The following UBAP2 variants were observed in gnomAD, a reference collection of about 807,000 sequenced individuals.
UBAP2 encodes ubiquitin associated protein 2.
In UBAP2, 75 loss-of-function variants were observed where a neutral mutation model predicts 139.6. The ratio of observed to expected loss-of-function variants is 0.54; its 90% CI spans 0.45 to 0.65. UBAP2 has a LOEUF of 0.65. Among genes scored for constraint, UBAP2 ranks in the 30% least tolerant of loss-of-function variants. The pLI, the probability that UBAP2 is intolerant of heterozygous loss-of-function variation, is 0.00. For synonymous variants in UBAP2, 526 were observed against 526.2 expected (o/e 1.00, Z 0.01); for missense variants, 1,368 against 1,369.6 (o/e 1.00, Z 0.02).
In UBAP2 at chr9:33,933,571, G is replaced by A. The variant is rs757094326; in HGVS notation, c.2027C>T (p.Thr676Ile). The A allele has an allele frequency of 7.4e-6, 12 of 1,613,938 alleles. No individual in the cohort carries two copies. Among genetic ancestry groups the A allele is most frequent in the Admixed American group, 3.3e-5 (2 of 60,002 alleles). The stretch of plus-strand genomic sequence containing the variant: ...CGGCAGAAGTGCAGTGCAGGAGGTG[G>A]TGCTGGGCAGGGAGCTCACAGACGG... ...ALPSVSSLPS[T>I]TSCTALLPST... The change falls in exon 18 of 29, where the codon ACC becomes ATC. Residue 676 changes from threonine (T) to isoleucine (I), a missense_variant. Coordinates refer to ENST00000379238, the MANE Select transcript of UBAP2 (RefSeq NM_001370062.2).
chr9:34,036,982 A>ATTTTT (rs141751803), intron 1 of UBAP2, among the ~76,000 whole-genome samples: 2 of 57,434 alleles, frequency 3.5e-5, no homozygotes, highest in African/African-American at 7.6e-5. Flanking sequence ...ACACCCAGCT[A>ATTTTT]TTTTTTTTTT....
chr9:34,010,682 G>A (rs1440330033), intron 2 of UBAP2, among the ~76,000 whole-genome samples: 1 of 152,100 alleles, frequency 6.6e-6, no homozygotes, highest in Admixed American at 6.6e-5. Flanking sequence ...AAGCATTGTG[G>A]GGAGGGATTT....
At chr9:34,008,337 G>T (rs915056341) in intron 2 of UBAP2, among the ~76,000 whole-genome samples, 1 of 141,832 alleles carries the variant, frequency 7.1e-6, no homozygotes, top group African/African-American at 2.7e-5. Flanking sequence ...AAAAAAAAAA[G>T]TGGGACACAG....
rs751153073 is a variant in UBAP2, at chr9:33,927,788, A to G, written c.2371+9T>C. ...AGGGGTGGGCAGGAAAGGCCTCTGG[A>G]GCAAATACCTGAGGTCACCAAGGGC... is the stretch of plus-strand genomic sequence containing the variant. On this transcript the variant is annotated intron_variant, in intron 20 of 28. Coordinates refer to ENST00000379238, the MANE Select transcript of UBAP2 (RefSeq NM_001370062.2). 6.2e-7 allele frequency: 1 copy of G among 1,601,984 alleles called. No individual in the cohort carries two copies. Among genetic ancestry groups the G allele is most frequent in the South Asian group, 1.1e-5 (1 of 89,152 alleles).
At chr9:34,021,440 A>G (rs1824931778) in intron 1 of UBAP2, among the ~76,000 whole-genome samples, 1 of 152,090 alleles carries the variant, frequency 6.6e-6, no homozygotes, top group Admixed American at 6.6e-5. Context: ...TAACAACTTT[A>G]TAATTTTGTT....
intron 22 of UBAP2, among the ~76,000 whole-genome samples, chr9:33,926,245 A>G (rs545577898): frequency 1.3e-5 from 2 of 152,350 alleles, no homozygotes; most frequent in Non-Finnish European, 2.9e-5. Context: ...GGAAGACAGT[A>G]TAAAACTCCA....
intron 6 of UBAP2, 37 bp from the exon 7 acceptor site, chr9:33,973,274 C>G: frequency 1.3e-6 from 2 of 1,592,372 alleles, no homozygotes; most frequent in Non-Finnish European, 8.6e-7. Flanking sequence ...TAAAATAATA[C>G]TTATGTCCTA....
chr9:34,013,590 T>C (rs1823963332), intron 2 of UBAP2, among the ~76,000 whole-genome samples: 1 of 151,586 alleles, frequency 6.6e-6, no homozygotes, highest in East Asian at 1.9e-4. Flanking sequence ...AATTAACATC[T>C]TACCGGCAGG....
chr9:33,999,443 T>C (rs984225540), intron 2 of UBAP2, among the ~76,000 whole-genome samples: 6 of 152,208 alleles, frequency 3.9e-5, no homozygotes, highest in Non-Finnish European at 8.8e-5. Flanking sequence ...CTTAGAACTT[T>C]GTGTCAAAAA....
At chr9:33,950,058 ATTTCTTTTCT>A (rs910026956) in intron 12 of UBAP2, among the ~76,000 whole-genome samples, 7 of 144,722 alleles carry the variant, frequency 4.8e-5, no homozygotes, top group South Asian at 5.0e-4. Flanking sequence ...CAAAAATAAC[ATTTCTTTTCT>A]TTTCTTTTTT....
intron 4 of UBAP2, among the ~76,000 whole-genome samples, chr9:33,991,929 C>A (rs1213804022): frequency 6.6e-6 from 1 of 152,152 alleles, no homozygotes; most frequent in Non-Finnish European, 1.5e-5. Flanking sequence ...TGTAAAACAT[C>A]TGAGAAACAC....
In UBAP2 at chr9:33,971,667, A is replaced by G; in HGVS notation, c.663T>C (p.Gly221=). ...AACACTTACCAGTTCCCTCATCTGCACCATTCTGAGCAGCTTCCCAAACTA... is the reference window on the plus strand; with the variant it reads ...AACACTTACCAGTTCCCTCATCTGCGCCATTCTGAGCAGCTTCCCAAACTA... ...KLVVWEAAQN[G]ADEGTELASN... Residue 221 remains glycine, a synonymous_variant, in exon 8 of 29, where the codon GGT becomes GGC. Coordinates refer to ENST00000379238, the MANE Select transcript of UBAP2 (RefSeq NM_001370062.2). The G allele has an allele frequency of 6.2e-7, 1 of 1,606,168 alleles. No homozygotes were observed. Among genetic ancestry groups the G allele is most frequent in the Non-Finnish European group, 8.5e-7 (1 of 1,172,704 alleles).
At chr9:33,998,543 T>C (rs188573399) in intron 3 of UBAP2, 4 of 394,914 alleles carry the variant, frequency 1.0e-5, no homozygotes, top group South Asian at 4.5e-5. Context: ...TGGTTCAATG[T>C]TCACATGTAA....
chr9:34,010,432 A>G, intron 2 of UBAP2, among the ~76,000 whole-genome samples: 1 of 146,438 alleles, frequency 6.8e-6, no homozygotes. Context: ...CCTCATAAAA[A>G]AAAAAAAAAA....
chr9:33,933,754 T>G, intron 17 of UBAP2, 126 bp from the exon 18 acceptor site: 2 of 1,354,570 alleles, frequency 1.5e-6, no homozygotes, highest in Non-Finnish European at 2.0e-6. Context: ...TAAAGTTACA[T>G]TCCCCAGGAA....
At chr9:34,041,906 TC>T (rs1331383013) in intron 1 of UBAP2, among the ~76,000 whole-genome samples, 4 of 151,482 alleles carry the variant, frequency 2.6e-5, no homozygotes, top group African/African-American at 9.7e-5. Context: ...GCACCTGTAG[TC>T]CCAGCTATTT....
At chr9:33,954,782 T>C (rs1826412070) in intron 11 of UBAP2, among the ~76,000 whole-genome samples, 1 of 152,170 alleles carries the variant, frequency 6.6e-6, no homozygotes, top group African/African-American at 2.4e-5. Context: ...CAAAACAATA[T>C]ACTATAAGAC....
At chr9:34,009,256 G>C (rs1053260586) in intron 2 of UBAP2, among the ~76,000 whole-genome samples, 1 of 151,624 alleles carries the variant, frequency 6.6e-6, no homozygotes, top group African/African-American at 2.4e-5. Flanking sequence ...ACACCACCAC[G>C]GCCAGCTAAT....
chr9:33,967,727 CA>C (rs753605230), intron 8 of UBAP2, among the ~76,000 whole-genome samples: 1 of 152,186 alleles, frequency 6.6e-6, no homozygotes, highest in East Asian at 1.9e-4. Context: ...ATGTCATCTC[CA>C]AAAACAAGTT....
Sources: gnomAD v4.1 joint callset for allele counts (sites outside exome capture counted in the v4.1 genomes callset) on GRCh38, gnomAD v4.1.1 for gene constraint, MANE v1.5 for transcripts, NCBI Gene and HGNC (gene_info 2026-07-23, HGNC 2026-07-21) for gene names.